DYM: variants seen among roughly 807,000 people sequenced by gnomAD.
DYM encodes the protein dymeclin.
A neutral mutation model predicts 93.1 loss-of-function variants in DYM; 78 were observed. The observed-to-expected ratio is 0.84, with a 90% CI of 0.70 to 1.01. DYM has a LOEUF of 1.01. DYM is among the 50% of genes least tolerant of loss of function. The pLI is 0.00. For missense variants in DYM, 789 were observed against 845.0 expected, an observed-to-expected ratio of 0.93 and a Z score of 0.82; for synonymous variants, 321 against 319.7, an observed-to-expected ratio of 1.00 and a Z score of -0.04.
intron 2 of DYM, among the ~76,000 whole-genome samples, chr18:49,398,492 A>G (rs1046075323): frequency 1.3e-5 from 2 of 152,208 alleles, no homozygotes; most frequent in African/African-American, 4.8e-5. Context: ...ACTTGGCTGC[A>G]TAGTTTAGGG....
chr18:49,114,730 C>G (rs893327968), intron 16 of DYM: 2 of 224,910 alleles, frequency 8.9e-6, no homozygotes, highest in African/African-American at 4.7e-5. Context: ...AAGAGATTCT[C>G]CTGACTCAGT....
In DYM at chr18:49,088,830, C is replaced by T. The variant is rs534253954; in HGVS notation, c.2025+8572G>A. 2.6e-5 allele frequency among the ~76,000 whole-genome samples: 4 copies of T among 152,248 alleles called. No homozygotes were observed. The South Asian group carries it at 8.3e-4, about 32-fold the overall frequency. ...GAGGGACTAAAATAATCTTGTCTGT[C>T]ACCCAGGGTGGAGTACAGTGGTAGG... On this transcript the variant is annotated intron_variant, in intron 17 of 17. Transcript: ENST00000675505.
At chr18:49,077,956 G>A (rs1243207339) in intron 17 of DYM, among the ~76,000 whole-genome samples, 6 of 152,062 alleles carry the variant, frequency 3.9e-5, no homozygotes, top group Admixed American at 2.0e-4. Context: ...TTATTGATAT[G>A]GTTAGGTTTG....
At chr18:49,266,108 A>T (rs114110896) in intron 11 of DYM, among the ~76,000 whole-genome samples, 3,937 of 152,238 alleles carry the variant, frequency 0.026, 158 homozygotes, top group African/African-American at 0.088. Context: ...TCTCAAAAAA[A>T]TTTTTACAAA....
chr18:49,231,249 T>C (rs926189125), intron 13 of DYM, among the ~76,000 whole-genome samples: 10 of 152,174 alleles, frequency 6.6e-5, no homozygotes, highest in African/African-American at 2.2e-4. Flanking sequence ...TGATGTGAAA[T>C]GGCAACGTGT....
chr18:49,356,726 T>C (rs898000041), intron 6 of DYM, among the ~76,000 whole-genome samples: 3 of 152,184 alleles, frequency 2.0e-5, no homozygotes, highest in African/African-American at 7.2e-5. Flanking sequence ...ATCTACTCAC[T>C]GTTACTACCA....
intron 6 of DYM, among the ~76,000 whole-genome samples, chr18:49,339,707 C>G (rs2146971176): frequency 6.6e-6 from 1 of 152,282 alleles, no homozygotes; most frequent in South Asian, 2.1e-4. Flanking sequence ...GAGTCAGAGT[C>G]TTAAAGCTAC....
At chr18:49,397,500 A>T (rs1169007257) in intron 2 of DYM, among the ~76,000 whole-genome samples, 6 of 152,190 alleles carry the variant, frequency 3.9e-5, no homozygotes, top group African/African-American at 1.4e-4. Flanking sequence ...CTTGGTTAAA[A>T]ATTATGTTTT....
chr18:49,453,111 G>C (rs1161297458), intron 1 of DYM, among the ~76,000 whole-genome samples: 1 of 134,152 alleles, frequency 7.5e-6, no homozygotes, highest in Non-Finnish European at 1.6e-5. Context: ...CTCAAGGTTT[G>C]TAAATGCACC....
At chr18:49,456,807 A>G (rs1162815886) in intron 1 of DYM, among the ~76,000 whole-genome samples, 4 of 151,466 alleles carry the variant, frequency 2.6e-5, no homozygotes, top group Non-Finnish European at 5.9e-5. Context: ...AAGCTCTGCT[A>G]AAAACCTTAC....
At chr18:49,097,996 C>T (rs750047951) in intron 16 of DYM, among the ~76,000 whole-genome samples, 1 of 151,806 alleles carries the variant, frequency 6.6e-6, no homozygotes, top group East Asian at 1.9e-4. Context: ...CCACATTTCC[C>T]TTATCATGAT....
intron 10 of DYM, among the ~76,000 whole-genome samples, chr18:49,280,333 C>A (rs1304043831): frequency 3.3e-5 from 5 of 152,022 alleles, no homozygotes; most frequent in Non-Finnish European, 5.9e-5. Context: ...CTATGAGACT[C>A]CAGGGAGTGA....
chr18:49,093,350 G>T (rs1441115227), intron 17 of DYM: 1 of 152,430 alleles, frequency 6.6e-6, no homozygotes, highest in Non-Finnish European at 1.5e-5. Flanking sequence ...GGAGGAAAAA[G>T]AACACAACTT....
intron 8 of DYM, among the ~76,000 whole-genome samples, chr18:49,331,431 T>C (rs376857983): frequency 1.3e-5 from 2 of 152,360 alleles, no homozygotes; most frequent in East Asian, 3.9e-4. Context: ...TATTCAGTTG[T>C]CACTGAAGAA....
At chr18:49,272,397 T>C in intron 10 of DYM, 94 bp from the exon 11 acceptor site, 1 of 858,130 alleles carries the variant, frequency 1.2e-6, no homozygotes, top group Non-Finnish European at 1.9e-6. Context: ...CTCTTTGCTT[T>C]AATATCAGTT....
intron 13 of DYM, among the ~76,000 whole-genome samples, chr18:49,223,424 C>G (rs1400692495): frequency 6.6e-6 from 1 of 152,020 alleles, no homozygotes; most frequent in Non-Finnish European, 1.5e-5. Context: ...TTACAAAAAC[C>G]TGCCTCTGCT....
intron 1 of DYM, among the ~76,000 whole-genome samples, chr18:49,450,368 A>C (rs1454254565): frequency 6.6e-6 from 1 of 152,260 alleles, no homozygotes; most frequent in Non-Finnish European, 1.5e-5. Context: ...TTAATAAACT[A>C]ATACAAGGGT....
intron 2 of DYM, among the ~76,000 whole-genome samples, chr18:49,424,355 T>G (rs2074046287): frequency 6.6e-6 from 1 of 152,120 alleles, no homozygotes; most frequent in Non-Finnish European, 1.5e-5. Context: ...CAGCCCTTCA[T>G]GCTAAAAACT....
At chr18:49,308,772 G>T (rs2061420416) in intron 8 of DYM, among the ~76,000 whole-genome samples, 1 of 152,084 alleles carries the variant, frequency 6.6e-6, no homozygotes, top group Non-Finnish European at 1.5e-5. Flanking sequence ...TCACTGTGGG[G>T]TCTCTGGCAG....
Sources: gnomAD v4.1 joint callset for allele counts (sites outside exome capture counted in the v4.1 genomes callset) on GRCh38, gnomAD v4.1.1 for gene constraint, MANE v1.5 for transcripts, NCBI Gene and HGNC (gene_info 2026-07-23, HGNC 2026-07-21) for gene names.